The following HS6ST2 variants were observed in gnomAD, a reference collection of about 807,000 sequenced individuals.
HS6ST2 encodes heparan-sulfate 6-O-sulfotransferase 2.
A neutral mutation model predicts 33.0 loss-of-function variants in HS6ST2; 17 were observed. The ratio of observed to expected loss-of-function variants is 0.52; its 90% confidence interval spans 0.35 to 0.77. HS6ST2 has a LOEUF of 0.77. HS6ST2 is among the 30% of genes least tolerant of loss of function. The probability of loss-of-function intolerance (pLI) is 0.01; values close to 1 mark genes in which losing one functional copy is unlikely to be tolerated. For missense variants in HS6ST2, 519 were observed against 551.7 expected (o/e 0.94, Z 0.59); for synonymous variants, 248 against 237.1 (o/e 1.05, Z -0.42).
chrX:132,932,458 T>C (rs1266953147), intron 2 of HS6ST2, among the ~76,000 whole-genome samples: 2 of 111,274 alleles, frequency 1.8e-5, no homozygotes, highest in South Asian at 3.8e-4. Flanking sequence ...AGGGGAGAAA[T>C]AGGTTTTAGT....
upstream of HS6ST2, among the ~76,000 whole-genome samples, chrX:132,960,629 GCA>G (rs2067136311): frequency 9.0e-6 from 1 of 111,017 alleles, no homozygotes; most frequent in Non-Finnish European, 1.9e-5. Flanking sequence ...CCACACACCT[GCA>G]CACACACTCA....
At chrX:132,653,344 TA>T (rs2063707453) in intron 4 of HS6ST2, among the ~76,000 whole-genome samples, 1 of 112,498 alleles carries the variant, frequency 8.9e-6, no homozygotes, top group South Asian at 3.7e-4. Context: ...GTGTTCTTAA[TA>T]GACCATTATA....
At chrX:132,723,598 A>G (rs1330234654) in intron 2 of HS6ST2, among the ~76,000 whole-genome samples, 1 of 112,126 alleles carries the variant, frequency 8.9e-6, no homozygotes, top group African/African-American at 3.2e-5. Flanking sequence ...TTAACGCTGA[A>G]AACACATCTC....
chrX:132,929,194 G>A (rs2066740209), intron 2 of HS6ST2, among the ~76,000 whole-genome samples: 1 of 111,134 alleles, frequency 9.0e-6, no homozygotes, highest in Admixed American at 9.6e-5. Context: ...AGTGCAACAC[G>A]GAGCCTCAAA....
At chrX:132,875,144 C>T (rs189614886) in intron 2 of HS6ST2, among the ~76,000 whole-genome samples, 140 of 112,004 alleles carry the variant, frequency 1.2e-3, no homozygotes, top group African/African-American at 4.4e-3. Context: ...TGACAGGAAA[C>T]AGGTAGCTGG....
At chrX:132,685,842 C>A (rs2064013130) in intron 3 of HS6ST2, among the ~76,000 whole-genome samples, 1 of 112,218 alleles carries the variant, frequency 8.9e-6, no homozygotes, top group Admixed American at 9.4e-5. Flanking sequence ...GTCAAATGTA[C>A]TAACCAATAC....
intron 2 of HS6ST2, among the ~76,000 whole-genome samples, chrX:132,941,064 T>C (rs752581396): frequency 1.2e-4 from 13 of 112,132 alleles, no homozygotes; most frequent in Non-Finnish European, 2.1e-4. Flanking sequence ...AAAACAAACA[T>C]GACATTGAAA....
intron 3 of HS6ST2, among the ~76,000 whole-genome samples, chrX:132,706,277 G>A (rs1214719249): frequency 8.9e-6 from 1 of 112,021 alleles, no homozygotes; most frequent in Non-Finnish European, 1.9e-5. Context: ...AAATGCAGCA[G>A]CAGAACTGAT....
intron 3 of HS6ST2, among the ~76,000 whole-genome samples, chrX:132,697,704 C>T (rs1001329484): frequency 5.4e-5 from 6 of 111,758 alleles, no homozygotes; most frequent in African/African-American, 2.0e-4. Flanking sequence ...CCTTGAAGTA[C>T]CAAGTATCTA....
intron 2 of HS6ST2, among the ~76,000 whole-genome samples, chrX:132,909,057 G>A (rs1018107660): frequency 9.4e-6 from 1 of 106,567 alleles, no homozygotes; most frequent in Non-Finnish European, 1.9e-5. Context: ...GGCACTTACA[G>A]GGCCTGCAGT....
chrX:132,856,169 T>G (rs759351188), intron 2 of HS6ST2, among the ~76,000 whole-genome samples: 1 of 112,209 alleles, frequency 8.9e-6, no homozygotes, highest in Admixed American at 9.5e-5. Flanking sequence ...GTGGTTTCAC[T>G]TTCAATTTTC....
intron 2 of HS6ST2, among the ~76,000 whole-genome samples, chrX:132,951,025 C>T (rs891759406): frequency 5.4e-5 from 6 of 110,410 alleles, no homozygotes; most frequent in African/African-American, 2.0e-4. Flanking sequence ...GTTGTCACCT[C>T]CTTATAAGTC....
intron 3 of HS6ST2, among the ~76,000 whole-genome samples, chrX:132,672,148 G>C (rs896001496): frequency 9.0e-6 from 1 of 111,458 alleles, no homozygotes; most frequent in East Asian, 2.8e-4. Flanking sequence ...GCTGCAGACT[G>C]TCTGGGAACT....
chrX:132,700,165 C>T (rs1027172743), intron 3 of HS6ST2, among the ~76,000 whole-genome samples: 1 of 111,814 alleles, frequency 8.9e-6, no homozygotes, highest in African/African-American at 3.3e-5. Context: ...CCACCAAATG[C>T]CGTTTACGGA....
At chrX:132,645,903 A>G (rs1182370933) in intron 4 of HS6ST2, among the ~76,000 whole-genome samples, 1 of 112,326 alleles carries the variant, frequency 8.9e-6, no homozygotes, top group African/African-American at 3.2e-5. Context: ...AACAAAACAC[A>G]TCTTCTTCTT....
chrX:132,635,136 G>A (rs1046718000), intron 4 of HS6ST2, among the ~76,000 whole-genome samples: 1 of 111,831 alleles, frequency 8.9e-6, no homozygotes, highest in African/African-American at 3.3e-5. Flanking sequence ...TCCTGTCACT[G>A]ATAAGCAATT....
intron 4 of HS6ST2, among the ~76,000 whole-genome samples, chrX:132,639,637 G>A (rs1306281783): frequency 9.0e-6 from 1 of 111,586 alleles, no homozygotes; most frequent in East Asian, 2.8e-4. Flanking sequence ...AGCTTACTGA[G>A]TGTTTCTATG....
chrX:132,637,824 A>T (rs1451349996), intron 4 of HS6ST2, among the ~76,000 whole-genome samples: 1 of 58,140 alleles, frequency 1.7e-5, no homozygotes, highest in Admixed American at 2.8e-4. Context: ...TTATATATAT[A>T]ATATTATATA....
chrX:132,657,854 A>G (rs1235365933), intron 4 of HS6ST2, among the ~76,000 whole-genome samples: 1 of 107,568 alleles, frequency 9.3e-6, no homozygotes, highest in Non-Finnish European at 1.9e-5. Flanking sequence ...TGAACAACAT[A>G]CCCTGGTGCC....
Sources: gnomAD v4.1 joint callset for allele counts (sites outside exome capture counted in the v4.1 genomes callset) on GRCh38, gnomAD v4.1.1 for gene constraint, MANE v1.5 for transcripts, NCBI Gene and HGNC (gene_info 2026-07-23, HGNC 2026-07-21) for gene names.